NGDN: variants seen among roughly 807,000 people sequenced by gnomAD.
The protein encoded by NGDN is EIF4E-binding protein.
NGDN carries 41 observed loss-of-function variants against 45.2 expected under a neutral mutation model. The observed-to-expected ratio is 0.91, with a 90% CI of 0.71 to 1.18. The LOEUF (loss-of-function observed/expected upper bound fraction) is 1.18, where lower values mean the gene tolerates loss of function less well. Among genes scored for constraint, NGDN ranks in the 50% most tolerant of loss-of-function variants. The pLI, the probability that NGDN is intolerant of heterozygous loss-of-function variation, is 0.00. For missense variants in NGDN, 402 were observed against 399.9 expected (o/e 1.01, Z -0.05); for synonymous variants, 137 against 130.9 (o/e 1.05, Z -0.32).
intron 3 of NGDN, among the ~76,000 whole-genome samples, chr14:23,473,913 C>T (rs1374214419): frequency 6.6e-6 from 1 of 151,898 alleles, no homozygotes. Flanking sequence ...TGGGAGGCAC[C>T]TGTAGTCCCA....
At chr14:23,476,984 T>G (rs1347548040) in intron 8 of NGDN, among the ~76,000 whole-genome samples, 1 of 152,190 alleles carries the variant, frequency 6.6e-6, no homozygotes, top group Non-Finnish European at 1.5e-5. Context: ...TGGATTCATA[T>G]CTAGCATGAG....
Position 23,475,308 on chromosome 14 carries a change from G to A in NGDN, c.282G>A (p.Thr94=), listed in dbSNP as rs781615592. 1.0e-5 allele frequency: 16 copies of A among 1,606,458 alleles called. No homozygotes were observed. Among genetic ancestry groups the A allele is most frequent in the Non-Finnish European group, 1.3e-5 (15 of 1,177,508 alleles). ...TTTTGAGACTGGTGGAGATTCGCAC[G>A]GTATGAAGCATTTGGCTTCTTGGAG... The part of the protein sequence containing the change: ...DAVLRLVEIR[T]VLEKLRPLDQ... The change falls in exon 4 of 11, where the codon ACG becomes ACA. Residue 94 remains threonine, a splice_region_variant and synonymous_variant. Transcript: ENST00000408901.
At position 23,469,725 on chromosome 14, in the gene NGDN, C is replaced by G. The variant is rs781427672; in HGVS notation, c.10C>G (p.Leu4Val). 6 of 1,614,056 alleles carry G rather than the reference C, an allele frequency of 3.7e-6. No homozygotes were observed. In the East Asian group the frequency reaches 6.7e-5, roughly 18 times the overall value. Residue 4 changes from leucine (L) to valine (V), a missense_variant and splice_region_variant, in exon 1 of 11, where the codon CTG (leucine) becomes GTG (valine). By Grantham distance (32) the Leu-to-Val change is conservative. Coordinates refer to ENST00000408901, the MANE Select transcript of NGDN (RefSeq NM_001042635.2). ...GGTGGGCTTTGCGAAGATGGCGGCG[C>G]TGGTGAGTTTGGTGTGGTTTCTTCC... MAA[L>V]GVLESDLPSA...
At chr14:23,470,639 G>T (rs1013318257) in intron 2 of NGDN, among the ~76,000 whole-genome samples, 3 of 152,136 alleles carry the variant, frequency 2.0e-5, no homozygotes, top group Admixed American at 6.6e-5. Flanking sequence ...AAATTACAGT[G>T]CTTCAGTCAC....
At chr14:23,471,040 A>G (rs1893765364) in intron 3 of NGDN, 63 bp downstream of exon 3, 5 of 1,140,850 alleles carry the variant, frequency 4.4e-6, no homozygotes, top group East Asian at 2.8e-5. Flanking sequence ...CTTTCATTGT[A>G]TGTTTATTGT....
At position 23,474,648 on chromosome 14, in the gene NGDN, C is replaced by T. The variant is rs955536035; in HGVS notation, c.145-523C>T. On this transcript the variant is annotated intron_variant, in intron 3 of 10. Transcript: ENST00000408901. Reference sequence around the variant, plus strand: ...AACTTGTGGTGACATGGATTTAATTCGATGTCATTATATATAAATCATTGT... The same window carrying T: ...AACTTGTGGTGACATGGATTTAATTTGATGTCATTATATATAAATCATTGT... Among the ~76,000 whole-genome samples the T allele has an allele frequency of 7.2e-5, 11 of 152,054 alleles. No homozygotes were observed. The East Asian group carries it at 7.7e-4, about 11-fold the overall frequency.
At position 23,476,458 on chromosome 14, in the gene NGDN, C is replaced by T. The variant is rs975240464; in HGVS notation, c.713+51C>T. 2.7e-6 allele frequency: 4 copies of T among 1,477,116 alleles called. No homozygotes were observed. In the African/African-American group the frequency reaches 4.2e-5, roughly 15 times the overall value. 91.5% of individuals were successfully genotyped at this position (1,477,116 alleles called of 1,614,324 possible). A position where few individuals can be genotyped will look rare whatever the true frequency, so the allele number is the denominator to read the frequency against. ...TTCCTGCACTCTAGAGTCCTGTCCT[C>T]ATGCTTTATACTAATGTGACTAAGT... On this transcript the variant is annotated intron_variant, in intron 8 of 10. Transcript: ENST00000408901.
intron 3 of NGDN, among the ~76,000 whole-genome samples, chr14:23,473,494 T>A (rs557021797): frequency 6.6e-5 from 10 of 152,300 alleles, no homozygotes; most frequent in African/African-American, 2.4e-4. Context: ...CTCATAATTA[T>A]TCTTTGTGGC....
intron 3 of NGDN, among the ~76,000 whole-genome samples, chr14:23,473,706 G>A (rs1026219490): frequency 6.6e-6 from 1 of 151,874 alleles, no homozygotes; most frequent in African/African-American, 2.4e-5. Context: ...AAAATGGACA[G>A]TAAGAACATA....
In NGDN at chr14:23,476,122, G is replaced by C. The variant is rs137930062; in HGVS notation, c.514G>C (p.Val172Leu). The change falls in exon 7 of 11, where the codon GTT becomes CTT. Residue 172 changes from valine to leucine, a missense_variant. Coordinates refer to ENST00000408901, the MANE Select transcript of NGDN (RefSeq NM_001042635.2). ...KSVKGVSKKY[V>L]PPRLVPVHYD... ...TGTGAAGGGAGTGTCTAAGAAATAT[G>C]TTCCTCCACGCTTGGTTCCAGTACA... The C allele has an allele frequency of 1.0e-4, 165 of 1,614,162 alleles. No individual in the cohort carries two copies. Among genetic ancestry groups the C allele is most frequent in the African/African-American group, 3.1e-4 (23 of 75,038 alleles).
intron 3 of NGDN, among the ~76,000 whole-genome samples, chr14:23,472,880 A>T (rs751714912): frequency 2.6e-5 from 4 of 152,188 alleles, no homozygotes; most frequent in Non-Finnish European, 4.4e-5. Flanking sequence ...AAAAAATTTA[A>T]ATCTTTGTTT....
chr14:23,470,788 ATACTT>A (rs1893758396), intron 2 of NGDN, 113 bp from the exon 3 acceptor site: 2 of 684,842 alleles, frequency 2.9e-6, no homozygotes, highest in East Asian at 3.0e-5. Flanking sequence ...AGATAGTACT[ATACTT>A]TAGACAGTGT....
At position 23,475,603 on chromosome 14, in the gene NGDN, A is replaced by G. The variant is rs1159681343; in HGVS notation, c.328A>G (p.Ile110Val). ...RPLDQKLKYQ[I>V]DKLIKTAVTG... The stretch of plus-strand genomic sequence containing the variant: ...CTTGGACCAAAAGCTGAAGTATCAA[A>G]TTGACAAGCTGATCAAGACTGCAGT... Residue 110 changes from isoleucine to valine, a missense_variant, in exon 5 of 11, where the codon ATT (isoleucine) becomes GTT (valine). By Grantham distance (29) the Ile-to-Val change is conservative. Transcript: ENST00000408901. The G allele has an allele frequency of 4.3e-6, 7 of 1,614,244 alleles. No homozygotes were observed. Among genetic ancestry groups the G allele is most frequent in the Non-Finnish European group, 5.9e-6 (7 of 1,180,050 alleles).
intron 8 of NGDN, 84 bp downstream of exon 8, chr14:23,476,491 C>A (rs989781289): frequency 8.5e-7 from 1 of 1,169,946 alleles, no homozygotes; most frequent in Non-Finnish European, 1.2e-6. Context: ...AGTTTGGTAC[C>A]AAGAGAATTA....
At chr14:23,476,886 T>G (rs191507206) in intron 8 of NGDN, among the ~76,000 whole-genome samples, 1 of 152,182 alleles carries the variant, frequency 6.6e-6, no homozygotes, top group African/African-American at 2.4e-5. Flanking sequence ...TGGATTTGCA[T>G]GAAAGGACAC....
At chr14:23,474,310 G>T (rs1039040824) in intron 3 of NGDN, among the ~76,000 whole-genome samples, 23 of 152,012 alleles carry the variant, frequency 1.5e-4, no homozygotes, top group African/African-American at 5.3e-4. Flanking sequence ...TCTGAAATAG[G>T]TTTTCTCAGG....
chr14:23,475,833 A>G (rs1057367170), intron 6 of NGDN, 55 bp downstream of exon 6: 2 of 1,537,202 alleles, frequency 1.3e-6, no homozygotes, highest in Non-Finnish European at 1.8e-6. Context: ...TACCTAGATG[A>G]GCCTCTTGGT....
intron 8 of NGDN, 26 bp downstream of exon 8, chr14:23,476,433 T>C: frequency 6.3e-7 from 1 of 1,591,116 alleles, no homozygotes. Context: ...TTAGAAATTA[T>C]TCCTGCACTC....
chr14:23,474,573 C>CT (rs533049930), intron 3 of NGDN, among the ~76,000 whole-genome samples: 3 of 151,616 alleles, frequency 2.0e-5, no homozygotes, highest in African/African-American at 7.3e-5. Flanking sequence ...CATCATATCC[C>CT]CCCCTACACA....
Sources: allele counts gnomAD v4.1 joint callset (sites outside exome capture counted in the v4.1 genomes callset), GRCh38; gene constraint gnomAD v4.1.1; transcripts MANE v1.5; gene names NCBI Gene and HGNC (gene_info 2026-07-23, HGNC 2026-07-21).